BEND4: variants seen among roughly 807,000 people sequenced by gnomAD.
BEND4 encodes BEN domain containing 4.
BEND4 carries 27 observed loss-of-function variants against 54.7 expected under a neutral mutation model. That is an observed-to-expected ratio of 0.49 (90% CI 0.36 to 0.68). The LOEUF (loss-of-function observed/expected upper bound fraction) is 0.68, where lower values mean the gene tolerates loss of function less well. BEND4 is among the 30% of genes least tolerant of loss of function. BEND4 has a pLI of 0.00. For missense variants in BEND4, 702 were observed against 697.2 expected (o/e 1.01, Z -0.08); for synonymous variants, 327 against 299.5 (o/e 1.09, Z -0.95).
chr4:42,116,248 T>C lies in BEND4; in HGVS notation c.*1270A>G, dbSNP rs1010156771. On this transcript the variant is annotated 3_prime_UTR_variant, in exon 6 of 6. Coordinates refer to ENST00000502486, the MANE Select transcript of BEND4 (RefSeq NM_207406.4). ...GCCCTTTGCTCTACAAAGAATGTAGTAATCTGGACTAGTTTGGTAAAGAAA... is the reference window on the plus strand; with the variant it reads ...GCCCTTTGCTCTACAAAGAATGTAGCAATCTGGACTAGTTTGGTAAAGAAA... 1.3e-5 allele frequency: 2 copies of C among 152,216 alleles called. No individual in the cohort carries two copies. The highest frequency in any genetic ancestry group is 6.5e-5 in the Admixed American group (1 of 15,284). The allele number at this position is 152,216 out of a possible 1,614,324, so 9.4% of individuals were successfully genotyped here.
intron 3 of BEND4, among the ~76,000 whole-genome samples, chr4:42,130,780 A>G (rs1720478648): frequency 6.6e-6 from 1 of 152,230 alleles, no homozygotes; most frequent in South Asian, 2.1e-4. Context: ...TCACTGCAGC[A>G]CTATTCACAA....
intron 2 of BEND4, among the ~76,000 whole-genome samples, chr4:42,144,370 G>A (rs1017822395): frequency 2.0e-5 from 3 of 152,188 alleles, no homozygotes; most frequent in African/African-American, 7.2e-5. Context: ...ATTCCTCATT[G>A]ATAGGAGGGC....
In BEND4 at chr4:42,116,632, T is replaced by G. The variant is rs1719847316; in HGVS notation, c.*886A>C. The G allele has an allele frequency of 6.6e-6, 1 of 152,196 alleles. No individual in the cohort carries two copies. The highest frequency in any genetic ancestry group is 2.1e-4 in the South Asian group (1 of 4,834). The allele number at this position is 152,196 out of a possible 1,614,324, so 9.4% of individuals were successfully genotyped here. A position where few individuals can be genotyped will look rare whatever the true frequency, so the allele number is the denominator to read the frequency against. ...TGTGTGTATACAATGCCAGAACATC[T>G]AGTCAATTCAGCGAATACCATCAGT... On this transcript the variant is annotated 3_prime_UTR_variant, in exon 6 of 6. Coordinates refer to ENST00000502486, the MANE Select transcript of BEND4 (RefSeq NM_207406.4).
Position 42,151,911 on chromosome 4 carries a change from T to TGCG in BEND4, c.230_232dup (p.Pro77dup). ...GTAGGAGCTCTGCGCCTGGAACTGCTGCGGCGGCGGCTCGCTGCTGCTGAT... is the reference window on the plus strand; with the variant it reads ...GTAGGAGCTCTGCGCCTGGAACTGCTGCGGCGGCGGCGGCTCGCTGCTGCTGAT... On this transcript the variant is annotated inframe_insertion, in exon 2 of 6. Transcript: ENST00000502486. The TGCG allele has an allele frequency of 8.0e-7, 1 of 1,253,958 alleles. No individual in the cohort carries two copies. Among genetic ancestry groups the TGCG allele is most frequent in the Non-Finnish European group, 1.0e-6 (1 of 1,001,674 alleles). The allele number at this position is 1,253,958 out of a possible 1,614,324, so 77.7% of individuals were successfully genotyped here.
In BEND4 at chr4:42,122,648, T is replaced by C. The variant is rs543402207; in HGVS notation, c.1147-2354A>G. Among the ~76,000 whole-genome samples the C allele has an allele frequency of 3.9e-5, 6 of 152,324 alleles. No individual in the cohort carries two copies. In the East Asian group the frequency reaches 1.2e-3, roughly 29 times the overall value. On this transcript the variant is annotated intron_variant, in intron 4 of 5. Transcript: ENST00000502486. ...CTTCTACCATCCTTAATTTAAAAAA[T>C]GAGACGTGCACCATCCTCTTAGTTA...
In BEND4 at chr4:42,152,009, G is replaced by C; in HGVS notation, c.135C>G (p.Thr45=). ...PALAKRYERP[T]LVELPHVRAP... ...CCCGCACGTGCGGCAGCTCCACCAG[G>C]GTGGGTCGCTCGTAGCGCTTGGCCA... The change falls in exon 2 of 6, where the codon ACC becomes ACG. Residue 45 remains threonine (T), a synonymous_variant. Coordinates refer to ENST00000502486, the MANE Select transcript of BEND4 (RefSeq NM_207406.4). The C allele has an allele frequency of 1.6e-6, 2 of 1,254,052 alleles. No homozygotes were observed. Among genetic ancestry groups the C allele is most frequent in the Non-Finnish European group, 2.0e-6 (2 of 993,830 alleles). 77.7% of individuals were successfully genotyped at this position (1,254,052 alleles called of 1,614,324 possible).
intron 3 of BEND4, among the ~76,000 whole-genome samples, chr4:42,127,960 T>A (rs1720348567): frequency 6.6e-6 from 1 of 151,980 alleles, no homozygotes; most frequent in African/African-American, 2.4e-5. Flanking sequence ...CCCAGGAGAT[T>A]GAGACTAGCC....
At chr4:42,123,813 G>GTAGAAA (rs1275976850) in intron 4 of BEND4, among the ~76,000 whole-genome samples, 5 of 151,964 alleles carry the variant, frequency 3.3e-5, no homozygotes, top group Non-Finnish European at 7.4e-5. Flanking sequence ...CAACATGGCT[G>GTAGAAA]TAGAATTCTT....
In BEND4 at chr4:42,113,553, C is replaced by T. The variant is rs977460703; in HGVS notation, c.*3965G>A. Reference sequence around the variant, plus strand: ...TGTAGGAATCATAAACCTACAGATTCGAAGTCTGGGTTATTGCCTAATTTG... The same window carrying T: ...TGTAGGAATCATAAACCTACAGATTTGAAGTCTGGGTTATTGCCTAATTTG... On this transcript the variant is annotated 3_prime_UTR_variant, in exon 6 of 6. Coordinates refer to ENST00000502486, the MANE Select transcript of BEND4 (RefSeq NM_207406.4). 3 of 152,082 alleles carry T rather than the reference C, an allele frequency of 2.0e-5. No homozygotes were observed. The highest frequency in any genetic ancestry group is 4.8e-5 in the African/African-American group (2 of 41,390). The allele number at this position is 152,082 out of a possible 1,614,324, so 9.4% of individuals were successfully genotyped here.
rs1330634828 is a variant in BEND4 at position 42,113,580 on chromosome 4, G to C, written c.*3938C>G. The C allele has an allele frequency of 6.6e-6, 1 of 151,864 alleles. No homozygotes were observed. Among genetic ancestry groups the C allele is most frequent in the African/African-American group, 2.4e-5 (1 of 41,296 alleles). 9.4% of individuals were successfully genotyped at this position (151,864 alleles called of 1,614,324 possible). A position where few individuals can be genotyped will look rare whatever the true frequency, so the allele number is the denominator to read the frequency against. On this transcript the variant is annotated 3_prime_UTR_variant, in exon 6 of 6. Transcript: ENST00000502486. ...AAGTCTGGGTTATTGCCTAATTTGG[G>C]GTAAACATCTGATACTGCAAGAATA...
chr4:42,149,384 T>G (rs1237397868), intron 2 of BEND4, among the ~76,000 whole-genome samples: 1 of 152,190 alleles, frequency 6.6e-6, no homozygotes, highest in Non-Finnish European at 1.5e-5. Context: ...ATGACCACAA[T>G]TCATGATGTC....
At chr4:42,121,036 C>A (rs1224247630) in intron 4 of BEND4, among the ~76,000 whole-genome samples, 1 of 152,156 alleles carries the variant, frequency 6.6e-6, no homozygotes, top group East Asian at 1.9e-4. Flanking sequence ...TCAATTGCAC[C>A]TACACAACCA....
chr4:42,135,864 T>C (rs2153146373), intron 3 of BEND4, among the ~76,000 whole-genome samples: 1 of 152,234 alleles, frequency 6.6e-6, no homozygotes, highest in South Asian at 2.1e-4. Flanking sequence ...TTGGCATGAT[T>C]AAAGCGATTT....
At chr4:42,142,536 G>A (rs1720924857) in intron 3 of BEND4, among the ~76,000 whole-genome samples, 1 of 151,030 alleles carries the variant, frequency 6.6e-6, no homozygotes, top group Non-Finnish European at 1.5e-5. Context: ...GGGAGGCTGA[G>A]GCACAAGAAT....
At chr4:42,120,364 C>T in intron 4 of BEND4, 70 bp from the exon 5 acceptor site, 1 of 1,541,876 alleles carries the variant, frequency 6.5e-7, no homozygotes, top group Non-Finnish European at 8.8e-7. Flanking sequence ...ATCTCCATTT[C>T]AAAGGCAAAC....
intron 2 of BEND4, among the ~76,000 whole-genome samples, chr4:42,150,640 G>A (rs1182848774): frequency 6.6e-6 from 1 of 152,256 alleles, no homozygotes; most frequent in East Asian, 1.9e-4. Flanking sequence ...GGATAAACGT[G>A]GCTGCACCCA....
At chr4:42,135,133 C>G (rs1161027511) in intron 3 of BEND4, among the ~76,000 whole-genome samples, 2 of 152,118 alleles carry the variant, frequency 1.3e-5, no homozygotes, top group Non-Finnish European at 2.9e-5. Flanking sequence ...CTTGCAACAG[C>G]TCCAGTTATG....
At chr4:42,139,374 T>C (rs1228414195) in intron 3 of BEND4, among the ~76,000 whole-genome samples, 2 of 152,092 alleles carry the variant, frequency 1.3e-5, no homozygotes, top group Non-Finnish European at 2.9e-5. Context: ...CAAAAGACTG[T>C]GTTGGATATT....
At chr4:42,141,290 C>A (rs1406195699) in intron 3 of BEND4, among the ~76,000 whole-genome samples, 1 of 152,252 alleles carries the variant, frequency 6.6e-6, no homozygotes, top group East Asian at 1.9e-4. Flanking sequence ...AGCCTCAGCT[C>A]TATTTGGAGA....
Sources: allele counts gnomAD v4.1 joint callset (sites outside exome capture counted in the v4.1 genomes callset), GRCh38; gene constraint gnomAD v4.1.1; transcripts MANE v1.5; gene names NCBI Gene and HGNC (gene_info 2026-07-23, HGNC 2026-07-21).